Variants in EFHB observed in about 807,000 individuals in gnomAD.
The protein encoded by EFHB is EF-hand domain-containing family member B.
A neutral mutation model predicts 87.2 loss-of-function variants in EFHB; 91 were observed. The observed-to-expected ratio is 1.04, with a 90% CI of 0.88 to 1.24. The LOEUF (loss-of-function observed/expected upper bound fraction) is 1.24. EFHB is among the 50% of genes most tolerant of loss of function. EFHB has a pLI of 0.00. For synonymous variants in EFHB, 325 were observed against 333.6 expected (o/e 0.97, Z 0.28); for missense variants, 1,084 against 998.8 (o/e 1.09, Z -1.15).
chr3:19,907,259 T>G (rs965251309), intron 5 of EFHB, among the ~76,000 whole-genome samples: 2 of 151,958 alleles, frequency 1.3e-5, no homozygotes, highest in Admixed American at 6.6e-5. Context: ...AACCTATGAG[T>G]TGGGAAAAAA....
In EFHB at chr3:19,888,665, A is replaced by G; in HGVS notation, c.1726-14T>C. 6.3e-7 allele frequency: 1 copy of G among 1,591,114 alleles called. No homozygotes were observed. Among genetic ancestry groups the G allele is most frequent in the South Asian group, 1.1e-5 (1 of 87,540 alleles). On this transcript the variant is annotated splice_polypyrimidine_tract_variant and intron_variant, in intron 9 of 12. Transcript: ENST00000295824. The stretch of plus-strand genomic sequence containing the variant: ...CCCATCTCCCTTCTGTTATACAGGA[A>G]GCAAAAGAACATAAAATGGGAGTTG...
chr3:19,926,189 G>T (rs1297030989), intron 1 of EFHB, among the ~76,000 whole-genome samples: 1 of 152,012 alleles, frequency 6.6e-6, no homozygotes, highest in Non-Finnish European at 1.5e-5. Context: ...AAAAAGCAAG[G>T]CACCCCTTTG....
At chr3:19,934,778 A>G (rs1416285837), upstream of EFHB, among the ~76,000 whole-genome samples, 8 of 152,182 alleles carry the variant, frequency 5.3e-5, no homozygotes, top group African/African-American at 1.9e-4. Flanking sequence ...TCCGCCCTGC[A>G]TGTAGTTATT....
intron 6 of EFHB, 114 bp from the exon 7 acceptor site, chr3:19,899,629 A>G (rs1694603570): frequency 1.6e-6 from 1 of 606,140 alleles, no homozygotes; most frequent in Middle Eastern, 3.0e-4. Context: ...GAACAAATGT[A>G]GTTTCAAAAG....
At chr3:19,936,374 G>A, upstream of EFHB, 2 of 529,568 alleles carry the variant, frequency 3.8e-6, no homozygotes, top group Non-Finnish European at 6.7e-6. Flanking sequence ...GACATGCATG[G>A]GTAACACAGT....
intron 9 of EFHB, among the ~76,000 whole-genome samples, chr3:19,891,823 G>A (rs1195408193): frequency 1.3e-5 from 2 of 152,028 alleles, no homozygotes; most frequent in Non-Finnish European, 2.9e-5. Context: ...GTACATACAT[G>A]GCAACACACC....
chr3:19,900,803 C>T (rs2125131818), intron 6 of EFHB, among the ~76,000 whole-genome samples: 1 of 152,052 alleles, frequency 6.6e-6, no homozygotes, highest in African/African-American at 2.4e-5. Context: ...GTGGAACACG[C>T]CTGTAATCCC....
At chr3:19,924,255 C>T (rs138438591) in intron 1 of EFHB, among the ~76,000 whole-genome samples, 4,397 of 150,574 alleles carry the variant, frequency 0.029, 217 homozygotes, top group African/African-American at 0.1. Context: ...CCTCTGTTGC[C>T]CAGGCTGGAG....
At chr3:19,892,902 T>C (rs113777647) in intron 9 of EFHB, among the ~76,000 whole-genome samples, 9,382 of 96,946 alleles carry the variant, frequency 0.097, 944 homozygotes, top group African/African-American at 0.33. Flanking sequence ...AAAATCAGTA[T>C]GTTCCATCCC....
At chr3:19,884,750 C>T (rs1694034364) in intron 10 of EFHB, 135 bp from the exon 11 acceptor site, 2 of 728,950 alleles carry the variant, frequency 2.7e-6, no homozygotes, top group South Asian at 3.8e-5. Context: ...CCTCCACTGA[C>T]CCAACACCCA....
intron 2 of EFHB, 78 bp downstream of exon 2, chr3:19,920,427 G>C: frequency 1.7e-6 from 2 of 1,194,278 alleles, no homozygotes; most frequent in South Asian, 2.8e-5. Flanking sequence ...CTTTCATAAG[G>C]AACGTTGAGT....
chr3:19,883,785 G>A (rs1205722255), intron 11 of EFHB, among the ~76,000 whole-genome samples: 1 of 152,196 alleles, frequency 6.6e-6, no homozygotes, highest in Non-Finnish European at 1.5e-5. Flanking sequence ...TGAAGGCAGA[G>A]ATCAGGGTGA....
In EFHB at chr3:19,905,889, A is replaced by AC; in HGVS notation, c.1289-141_1289-140insG. ...TTGTAACAGTGCAGAAACTGCACAG[A>AC]TTTAGCTACAGATGACAGAAGCATT... is the stretch of plus-strand genomic sequence containing the variant. On this transcript the variant is annotated intron_variant, in intron 5 of 12. Coordinates refer to ENST00000295824, the MANE Select transcript of EFHB (RefSeq NM_144715.4). 7.8e-6 allele frequency: 8 copies of AC among 1,030,736 alleles called. No individual in the cohort carries two copies. The South Asian group carries it at 1.7e-4, about 22-fold the overall frequency. The allele number at this position is 1,030,736 out of a possible 1,614,324, so 63.8% of individuals were successfully genotyped here. A position where few individuals can be genotyped will look rare whatever the true frequency, so the allele number is the denominator to read the frequency against.
intron 5 of EFHB, among the ~76,000 whole-genome samples, chr3:19,913,540 G>A (rs1487512979): frequency 6.6e-6 from 1 of 152,106 alleles, no homozygotes; most frequent in African/African-American, 2.4e-5. Context: ...GAAAGAAATT[G>A]AGCAGGACAC....
intron 5 of EFHB, among the ~76,000 whole-genome samples, chr3:19,908,935 G>A (rs1176952127): frequency 6.6e-6 from 1 of 151,782 alleles, no homozygotes; most frequent in Non-Finnish European, 1.5e-5. Flanking sequence ...TGAATGGATG[G>A]GGGTTAGAAA....
chr3:19,903,391 T>G (rs7651609), intron 6 of EFHB, among the ~76,000 whole-genome samples: 8,211 of 152,200 alleles, frequency 0.054, 663 homozygotes, highest in African/African-American at 0.18. Context: ...TGTGTTTACC[T>G]CATATGTTTT....
At chr3:19,885,213 A>G (rs2125124944) in intron 10 of EFHB, among the ~76,000 whole-genome samples, 1 of 142,550 alleles carries the variant, frequency 7.0e-6, no homozygotes, top group East Asian at 2.0e-4. Context: ...AAACAGTGAG[A>G]CTTCGTCTCA....
chr3:19,900,523 G>A lies in EFHB; in HGVS notation c.1419-1008C>T, dbSNP rs73188454. Among the ~76,000 whole-genome samples, 1,195 of 152,206 alleles carry A rather than the reference G, an allele frequency of 7.9e-3. 12 individuals carry two copies. The highest frequency in any genetic ancestry group is 0.025 in the African/African-American group (1,028 of 41,534). On this transcript the variant is annotated intron_variant, in intron 6 of 12. Coordinates refer to ENST00000295824, the MANE Select transcript of EFHB (RefSeq NM_144715.4). ...CAGATTGCTAGTGCAAATTCCTACA[G>A]TTCTTTTGAAAATAATTGGGCAATA...
chr3:19,908,592 G>A (rs78893959), intron 5 of EFHB, among the ~76,000 whole-genome samples: 4 of 109,320 alleles, frequency 3.7e-5, no homozygotes, highest in South Asian at 2.7e-4. Flanking sequence ...GAGAGAGAGA[G>A]AGAGAGAGAA....
Sources: gnomAD v4.1 joint callset for allele counts (sites outside exome capture counted in the v4.1 genomes callset) on GRCh38, gnomAD v4.1.1 for gene constraint, MANE v1.5 for transcripts, NCBI Gene and HGNC (gene_info 2026-07-23, HGNC 2026-07-21) for gene names.